Variants in KLHL3 observed in about 807,000 individuals in gnomAD.
KLHL3 encodes the protein kelch like family member 3, also known as kelch-like protein 3.
In KLHL3, 19 loss-of-function variants were observed where a neutral mutation model predicts 70.5. The ratio of observed to expected loss-of-function variants is 0.27; its 90% CI spans 0.19 to 0.40. The LOEUF (loss-of-function observed/expected upper bound fraction) is 0.40. KLHL3 is among the 10% of genes least tolerant of loss of function. The pLI is 1.00. For missense variants in KLHL3, 512 were observed against 771.1 expected (o/e 0.66, Z 3.98); for synonymous variants, 258 against 290.3 (o/e 0.89, Z 1.13).
chr5:137,657,618 C>T lies in KLHL3; in HGVS notation c.903+513G>A, dbSNP rs144812604. ...TTTCTCCCATTTCCTTCCTCTGCTT[C>T]GTGACCTGTCAAACTCCTCAATTTG... On this transcript the variant is annotated intron_variant, in intron 8 of 14. Transcript: ENST00000309755. 3.3e-3 allele frequency among the ~76,000 whole-genome samples: 506 copies of T among 152,288 alleles called. 2 individuals are homozygous for T. The highest frequency in any genetic ancestry group is 6.0e-3 in the Non-Finnish European group (408 of 68,016).
intron 2 of KLHL3, among the ~76,000 whole-genome samples, chr5:137,712,135 G>A (rs977160077): frequency 2.8e-5 from 4 of 144,582 alleles, no homozygotes; most frequent in Non-Finnish European, 6.0e-5. Context: ...CTCCAGCCTG[G>A]GTGACAGAGC....
At chr5:137,634,484 T>A (rs1236362784) in intron 11 of KLHL3, among the ~76,000 whole-genome samples, 1 of 152,216 alleles carries the variant, frequency 6.6e-6, no homozygotes, top group Non-Finnish European at 1.5e-5. Flanking sequence ...ATGAATTAGG[T>A]TAAATTTTCT....
chr5:137,670,939 C>T (rs1751739788), intron 6 of KLHL3, among the ~76,000 whole-genome samples: 1 of 139,470 alleles, frequency 7.2e-6, no homozygotes. Context: ...TGCCACTGCA[C>T]TCCAGCCTGG....
At chr5:137,708,683 T>C (rs1479386240) in intron 3 of KLHL3, among the ~76,000 whole-genome samples, 1 of 152,054 alleles carries the variant, frequency 6.6e-6, no homozygotes, top group Non-Finnish European at 1.5e-5. Context: ...CAGATGGTGA[T>C]AAATGTTATG....
intron 5 of KLHL3, among the ~76,000 whole-genome samples, chr5:137,684,981 G>T (rs1193273135): frequency 6.6e-6 from 1 of 152,164 alleles, no homozygotes; most frequent in Admixed American, 6.5e-5. Flanking sequence ...GAAGAGACAG[G>T]GCCCTTCCAA....
At position 137,639,220 on chromosome 5, in the gene KLHL3, T is replaced by C. The variant is rs1334992294; in HGVS notation, c.1022-70A>G. 1.8e-5 allele frequency: 26 copies of C among 1,466,334 alleles called. No homozygotes were observed. The highest frequency in any genetic ancestry group is 2.1e-5 in the Non-Finnish European group (22 of 1,060,994). The allele number at this position is 1,466,334 out of a possible 1,614,324, so 90.8% of individuals were successfully genotyped here. A position where few individuals can be genotyped will look rare whatever the true frequency, so the allele number is the denominator to read the frequency against. On this transcript the variant is annotated intron_variant, in intron 9 of 14. Transcript: ENST00000309755. The surrounding 1 kb of genome is among the most constrained non-coding windows in gnomAD (Gnocchi z 5.0). Reference sequence around the variant, plus strand: ...GACTGCTCATGTTGATGGATGGCAATGGAGGAGCAAGACAGACACAGGAAA... The same window carrying C: ...GACTGCTCATGTTGATGGATGGCAACGGAGGAGCAAGACAGACACAGGAAA...
At chr5:137,724,197 G>T (rs1239969806) in intron 1 of KLHL3, among the ~76,000 whole-genome samples, 10 of 152,202 alleles carry the variant, frequency 6.6e-5, no homozygotes, top group Admixed American at 3.3e-4. Context: ...AGACTTAAAA[G>T]CCAGAATGAG....
At chr5:137,625,933 C>T in intron 13 of KLHL3, 37 bp from the exon 14 acceptor site, 3 of 1,613,472 alleles carry the variant, frequency 1.9e-6, no homozygotes, top group South Asian at 2.2e-5. Context: ...GACATCACAG[C>T]AGGTGCACTA....
chr5:137,619,171 C>T lies in KLHL3; in HGVS notation c.*2927G>A, dbSNP rs1756324990. 2 of 152,574 alleles carry T rather than the reference C, an allele frequency of 1.3e-5. No homozygotes were observed. The highest frequency in any genetic ancestry group is 2.4e-5 in the African/African-American group (1 of 41,438). 9.5% of individuals were successfully genotyped at this position (152,574 alleles called of 1,614,324 possible). ...AGGATCTGGCTCAGAAATATACAAA[C>T]ATTACACAACAGATATCAAAGTAAG... On this transcript the variant is annotated 3_prime_UTR_variant, in exon 15 of 15. Coordinates refer to ENST00000309755, the MANE Select transcript of KLHL3 (RefSeq NM_017415.3).
intron 6 of KLHL3, among the ~76,000 whole-genome samples, chr5:137,675,605 G>A (rs1472319058): frequency 6.6e-6 from 1 of 152,170 alleles, no homozygotes; most frequent in Admixed American, 6.5e-5. Context: ...CCAGAAAGCA[G>A]AGACTAGAAC....
chr5:137,662,828 A>C (rs1476767781), intron 6 of KLHL3, among the ~76,000 whole-genome samples: 1 of 152,140 alleles, frequency 6.6e-6, no homozygotes, highest in African/African-American at 2.4e-5. Flanking sequence ...TATCGATCAA[A>C]ATTTTAAATG....
chr5:137,662,216 CAGAGA>C (rs1751495407), intron 6 of KLHL3, among the ~76,000 whole-genome samples, 185 bp from the exon 7 acceptor site: 1 of 149,288 alleles, frequency 6.7e-6, no homozygotes, highest in Non-Finnish European at 1.5e-5. Flanking sequence ...TTGCTGGCCT[CAGAGA>C]GTGATCACAC....
chr5:137,660,798 C>T (rs1212297922), intron 7 of KLHL3: 1 of 152,170 alleles, frequency 6.6e-6, no homozygotes, highest in East Asian at 1.9e-4. Flanking sequence ...TGGATTATCT[C>T]ATTTTATTGT....
chr5:137,703,979 T>A (rs1580775228), intron 3 of KLHL3, among the ~76,000 whole-genome samples: 2 of 152,278 alleles, frequency 1.3e-5, no homozygotes, highest in East Asian at 3.9e-4. Flanking sequence ...TTATTAACTA[T>A]CTACACAGTG....
chr5:137,665,755 A>C (rs1751598197), intron 6 of KLHL3, among the ~76,000 whole-genome samples: 1 of 152,110 alleles, frequency 6.6e-6, no homozygotes, highest in Non-Finnish European at 1.5e-5. Flanking sequence ...TTTTGTGCAA[A>C]TATGTTAATG....
At chr5:137,662,062 G>A in intron 6 of KLHL3, 31 bp from the exon 7 acceptor site, 1 of 887,750 alleles carries the variant, frequency 1.1e-6, no homozygotes, top group Non-Finnish European at 1.7e-6. Context: ...GGCAACTTCA[G>A]TAAAGAGACA....
At chr5:137,698,188 T>C in intron 4 of KLHL3, 99 bp downstream of exon 4, 1 of 1,485,046 alleles carries the variant, frequency 6.7e-7, no homozygotes, top group South Asian at 1.3e-5. Context: ...TCCTCTTCAG[T>C]AACCAACTGA....
intron 6 of KLHL3, among the ~76,000 whole-genome samples, chr5:137,668,946 A>C (rs1313984540): frequency 1.3e-5 from 2 of 150,004 alleles, no homozygotes; most frequent in Non-Finnish European, 3.0e-5. Context: ...TCCTGGTCTG[A>C]AGTCTCCCTA....
intron 6 of KLHL3, among the ~76,000 whole-genome samples, chr5:137,664,180 T>C (rs922597772): frequency 6.6e-6 from 1 of 151,602 alleles, no homozygotes; most frequent in African/African-American, 2.4e-5. Flanking sequence ...GGCAAAACCC[T>C]ATCTCTACAA....
Sources: gnomAD v4.1 joint callset for allele counts (sites outside exome capture counted in the v4.1 genomes callset) on GRCh38, gnomAD v4.1.1 for gene constraint, Gnocchi (gnomAD v3.1) non-coding constraint, MANE v1.5 for transcripts, NCBI Gene and HGNC (gene_info 2026-07-23, HGNC 2026-07-21) for gene names.